Variants in GRIA3 observed in about 807,000 individuals in gnomAD.
GRIA3 encodes glutamate ionotropic receptor AMPA type subunit 3.
In GRIA3, 3 loss-of-function variants were observed where a neutral mutation model predicts 63.0. That is an observed-to-expected ratio of 0.05 (90% CI 0.02 to 0.12). GRIA3 has a LOEUF of 0.12. GRIA3 is among the 10% of genes least tolerant of loss of function. The pLI is 1.00. For missense variants in GRIA3, 347 were observed against 700.9 expected (o/e 0.50, Z 5.70); for synonymous variants, 274 against 257.9 (o/e 1.06, Z -0.60).
At chrX:123,263,892 T>G (rs1242878234) in intron 3 of GRIA3, among the ~76,000 whole-genome samples, 1 of 112,229 alleles carries the variant, frequency 8.9e-6, no homozygotes, top group Non-Finnish European at 1.9e-5. Flanking sequence ...TAAAGGAAAC[T>G]CTACTTCTCA....
At chrX:123,264,826 C>G (rs2044478964) in intron 3 of GRIA3, among the ~76,000 whole-genome samples, 1 of 111,650 alleles carries the variant, frequency 9.0e-6, no homozygotes, top group Non-Finnish European at 1.9e-5. Flanking sequence ...TCTTTGTCAC[C>G]ACATGTCAAG....
chrX:123,463,670 AAG>A (rs2045813352), intron 12 of GRIA3, among the ~76,000 whole-genome samples: 1 of 57,514 alleles, frequency 1.7e-5, no homozygotes, highest in Non-Finnish European at 3.0e-5. Context: ...GAAAGAAAGA[AAG>A]AAAGAAAGAA....
intron 3 of GRIA3, among the ~76,000 whole-genome samples, chrX:123,280,919 A>G (rs1266523099): frequency 1.8e-5 from 2 of 111,669 alleles, no homozygotes; most frequent in African/African-American, 3.3e-5. Flanking sequence ...CTTGATCTTC[A>G]TTATACTCTC....
At chrX:123,307,776 G>C (rs1001161188) in intron 3 of GRIA3, among the ~76,000 whole-genome samples, 1 of 110,878 alleles carries the variant, frequency 9.0e-6, no homozygotes, top group Non-Finnish European at 1.9e-5. Flanking sequence ...CTGTAGTCTC[G>C]GTGCCAAGAA....
At position 123,221,344 on chromosome X, in the gene GRIA3, G is replaced by A. The variant is rs184230078; in HGVS notation, c.269-31959G>A. ...ACAATAAGTCTAAACAACTCCTCAC[G>A]TTAAAATGACATAGTACAAGGAGGT... On this transcript the variant is annotated intron_variant, in intron 2 of 15. Transcript: ENST00000620443. Among the ~76,000 whole-genome samples the A allele has an allele frequency of 6.2e-5, 7 of 112,117 alleles. No homozygotes were observed. The East Asian group carries it at 8.4e-4, about 13-fold the overall frequency.
At chrX:123,413,407 T>C (rs185620414) in intron 10 of GRIA3, among the ~76,000 whole-genome samples, 34 of 107,988 alleles carry the variant, frequency 3.1e-4, no homozygotes, top group African/African-American at 1.1e-3. Flanking sequence ...TGAGAAATGA[T>C]ACTAGAGGGG....
chrX:123,268,531 A>C (rs1242519861), intron 3 of GRIA3, among the ~76,000 whole-genome samples: 1 of 110,340 alleles, frequency 9.1e-6, no homozygotes, highest in African/African-American at 3.3e-5. Flanking sequence ...TAAGGTAGAA[A>C]CCTTAAAAAC....
chrX:123,185,427 G>C (rs909064865), intron 1 of GRIA3, among the ~76,000 whole-genome samples: 11 of 104,164 alleles, frequency 1.1e-4, no homozygotes, highest in Non-Finnish European at 1.4e-4. Flanking sequence ...GGGTAGCAGG[G>C]GGAACAATAT....
intron 4 of GRIA3, among the ~76,000 whole-genome samples, chrX:123,330,128 C>T (rs1332881813): frequency 8.9e-6 from 1 of 111,845 alleles, no homozygotes; most frequent in Non-Finnish European, 1.9e-5. Context: ...TTAATATATG[C>T]AAACCATTTA....
chrX:123,339,279 C>T (rs2044994187), intron 4 of GRIA3, among the ~76,000 whole-genome samples: 1 of 112,051 alleles, frequency 8.9e-6, no homozygotes, highest in South Asian at 3.7e-4. Flanking sequence ...ATCTTCTCAA[C>T]CGCATGAAAA....
chrX:123,330,857 C>T (rs2044936626), intron 4 of GRIA3, among the ~76,000 whole-genome samples: 1 of 112,097 alleles, frequency 8.9e-6, no homozygotes, highest in East Asian at 2.8e-4. Flanking sequence ...AAAGTCAGAC[C>T]TAGATATGTC....
At chrX:123,279,509 T>C (rs2044573439) in intron 3 of GRIA3, among the ~76,000 whole-genome samples, 1 of 111,840 alleles carries the variant, frequency 8.9e-6, no homozygotes, top group African/African-American at 3.3e-5. Flanking sequence ...AAATTTTTTT[T>C]ATATAGAGCC....
At chrX:123,283,434 T>C (rs1287377819) in intron 3 of GRIA3, among the ~76,000 whole-genome samples, 2 of 110,590 alleles carry the variant, frequency 1.8e-5, no homozygotes, top group African/African-American at 6.6e-5. Flanking sequence ...AAGCCAGAAA[T>C]CCAAGAGGTC....
chrX:123,457,565 G>C (rs954671346), intron 12 of GRIA3, among the ~76,000 whole-genome samples: 1 of 112,254 alleles, frequency 8.9e-6, no homozygotes, highest in Admixed American at 9.4e-5. Flanking sequence ...GTGCCTAAAA[G>C]TATCTTCCCC....
At chrX:123,466,271 GATGTTGTTCT>G (rs2147434730) in intron 13 of GRIA3, among the ~76,000 whole-genome samples, 1 of 111,898 alleles carries the variant, frequency 8.9e-6, no homozygotes, top group South Asian at 3.7e-4. Context: ...TGAGTGATGA[GATGTTGTTCT>G]CTATATGTGA....
intron 5 of GRIA3, among the ~76,000 whole-genome samples, chrX:123,377,066 C>T (rs2045290418): frequency 9.2e-6 from 1 of 108,801 alleles, no homozygotes; most frequent in Non-Finnish European, 1.9e-5. Context: ...TCCCGAGCAG[C>T]TGGGACTATA....
chrX:123,430,895 A>T (rs2045614122), intron 12 of GRIA3, among the ~76,000 whole-genome samples: 1 of 111,025 alleles, frequency 9.0e-6, no homozygotes, highest in African/African-American at 3.3e-5. Context: ...AGGCAGGAGA[A>T]TCGCTTGAAC....
At chrX:123,213,235 G>A (rs1422025539) in intron 2 of GRIA3, among the ~76,000 whole-genome samples, 2 of 112,154 alleles carry the variant, frequency 1.8e-5, no homozygotes, top group Admixed American at 1.9e-4. Flanking sequence ...GAGAACTGCT[G>A]GTCTACAGGA....
At chrX:123,483,455 C>CA (rs993385518) in intron 15 of GRIA3, among the ~76,000 whole-genome samples, 5 of 111,403 alleles carry the variant, frequency 4.5e-5, no homozygotes, top group South Asian at 3.7e-4. Context: ...GTTATCAATA[C>CA]AAAAAAAAGA....
Sources: gnomAD v4.1 joint callset for allele counts (sites outside exome capture counted in the v4.1 genomes callset) on GRCh38, gnomAD v4.1.1 for gene constraint, MANE v1.5 for transcripts, NCBI Gene and HGNC (gene_info 2026-07-23, HGNC 2026-07-21) for gene names.